SLC23A2: variants seen among roughly 807,000 people sequenced by gnomAD.
SLC23A2 encodes the protein Na(+)/L-ascorbic acid transporter 2.
Under a neutral mutation model 73.3 loss-of-function variants are expected in SLC23A2, and 36 were observed. That is an observed-to-expected ratio of 0.49 (90% confidence interval 0.38 to 0.65). SLC23A2 has a LOEUF of 0.65. Among genes scored for constraint, SLC23A2 ranks in the 30% least tolerant of loss-of-function variants. The pLI, the probability that SLC23A2 is intolerant of heterozygous loss-of-function variation, is 0.00. For missense variants in SLC23A2, 507 were observed against 841.6 expected (o/e 0.60, Z 4.92); for synonymous variants, 343 against 327.3 (o/e 1.05, Z -0.52).
intron 1 of SLC23A2, among the ~76,000 whole-genome samples, chr20:5,000,932 C>G (rs1044341623): frequency 4.6e-5 from 7 of 152,196 alleles, no homozygotes; most frequent in African/African-American, 1.7e-4. Context: ...TGCCGCCCCT[C>G]CTGATGCCCC....
intron 2 of SLC23A2, among the ~76,000 whole-genome samples, chr20:4,942,222 G>C (rs575514239): frequency 6.6e-6 from 1 of 152,218 alleles, no homozygotes; most frequent in South Asian, 2.1e-4. Flanking sequence ...ATGTCCTCAT[G>C]TTTAAAGTTC....
chr20:4,975,682 G>GT lies in SLC23A2; in HGVS notation c.-281-4764dup, dbSNP rs200955021. ...GGGCGTGAGCCACCGTGCCCCGCCT[G>GT]TTTTTTTTTTTTTAATTTTTGCAAA... On this transcript the variant is annotated intron_variant, in intron 1 of 16. Coordinates refer to ENST00000338244, the MANE Select transcript of SLC23A2 (RefSeq NM_005116.6). Among the ~76,000 whole-genome samples, 389 of 141,870 alleles carry GT rather than the reference G, an allele frequency of 2.7e-3. 3 individuals are homozygous for GT. The highest frequency in any genetic ancestry group is 5.3e-3 in the East Asian group (25 of 4,760). 93.1% of individuals were successfully genotyped at this position (141,870 alleles called of 152,430 possible). A position where few individuals can be genotyped will look rare whatever the true frequency, so the allele number is the denominator to read the frequency against.
rs950465818 is a variant in SLC23A2, at chr20:4,883,575, A to G, written c.824+67T>C. On this transcript the variant is annotated intron_variant, in intron 9 of 16. Transcript: ENST00000338244. This position sits in a 1 kb window ranked among gnomAD's most constrained non-coding sequence, Gnocchi z 4.5. Reference sequence around the variant, plus strand: ...TATTATTGAAAAACATTATCTCCTGAAGTCTGTGTGAATGTTCCTAAAGGC... The same window carrying G: ...TATTATTGAAAAACATTATCTCCTGGAGTCTGTGTGAATGTTCCTAAAGGC... The G allele has an allele frequency of 7.1e-5, 77 of 1,091,350 alleles. No homozygotes were observed. Among genetic ancestry groups the G allele is most frequent in the Non-Finnish European group, 9.7e-5 (73 of 751,884 alleles). The allele number at this position is 1,091,350 out of a possible 1,614,324, so 67.6% of individuals were successfully genotyped here.
intron 1 of SLC23A2, among the ~76,000 whole-genome samples, chr20:4,984,982 C>CA (rs756968322): frequency 1.3e-5 from 2 of 152,054 alleles, no homozygotes; most frequent in South Asian, 2.1e-4. Context: ...ACTAAAAATA[C>CA]AAAAATTAGC....
At chr20:4,978,885 C>T (rs1201752407) in intron 1 of SLC23A2, among the ~76,000 whole-genome samples, 1 of 152,120 alleles carries the variant, frequency 6.6e-6, no homozygotes, top group Non-Finnish European at 1.5e-5. Context: ...GATTTTTAAA[C>T]AAGAACCCTA....
At chr20:4,928,074 T>C (rs1455620458) in intron 3 of SLC23A2, among the ~76,000 whole-genome samples, 1 of 152,182 alleles carries the variant, frequency 6.6e-6, no homozygotes, top group Non-Finnish European at 1.5e-5. Flanking sequence ...GGTCTTGCTC[T>C]GTCACCAAGG....
intron 3 of SLC23A2, among the ~76,000 whole-genome samples, chr20:4,931,068 G>GAAAAAA (rs758041566): frequency 9.3e-5 from 7 of 75,054 alleles, no homozygotes; most frequent in Non-Finnish European, 1.3e-4. Context: ...ATTTTTTTAA[G>GAAAAAA]AAAAAAAAAA....
chr20:5,001,576 C>G (rs1292971478), upstream of SLC23A2: 3 of 150,706 alleles, frequency 2.0e-5, no homozygotes, highest in Non-Finnish European at 4.5e-5. Context: ...GGTCTGGGGC[C>G]CACCTCCCTC....
At chr20:4,956,494 T>A (rs2087290273) in intron 2 of SLC23A2, among the ~76,000 whole-genome samples, 1 of 152,162 alleles carries the variant, frequency 6.6e-6, no homozygotes, top group African/African-American at 2.4e-5. Flanking sequence ...TACAGAAAAG[T>A]AGACAAAATG....
Position 5,006,976 on chromosome 20 carries a change from TGC to T in SLC23A2, c.-282+3204_-282+3205del, listed in dbSNP as rs35133806. ...GTGTGTGTGTGTGTGTGTGTGTGTG[TGC>T]GTGCGTGCGTGTTCAATGATGTGCA... On this transcript the variant is annotated intron_variant, in intron 1 of 16. Coordinates refer to the SLC23A2 transcript ENST00000379333. Among the ~76,000 whole-genome samples, 43 of 140,042 alleles carry T rather than the reference TGC, an allele frequency of 3.1e-4. No individual in the cohort carries two copies. In the South Asian group the frequency reaches 3.6e-3, roughly 12 times the overall value. The allele number at this position is 140,042 out of a possible 152,430, so 91.9% of individuals were successfully genotyped here.
chr20:4,922,843 G>GCA (rs11474556), intron 3 of SLC23A2, among the ~76,000 whole-genome samples: 44,716 of 145,632 alleles, frequency 0.31, 7,910 homozygotes, highest in East Asian at 0.63. Flanking sequence ...AAAAAAAAAA[G>GCA]CACACACACA....
intron 4 of SLC23A2, among the ~76,000 whole-genome samples, chr20:4,906,926 G>A (rs1285726115): frequency 6.6e-6 from 1 of 152,186 alleles, no homozygotes; most frequent in Non-Finnish European, 1.5e-5. Flanking sequence ...GAAGGATGCT[G>A]TGAAGAGGTG....
chr20:4,939,148 A>G (rs993086441), intron 2 of SLC23A2, among the ~76,000 whole-genome samples: 1 of 152,238 alleles, frequency 6.6e-6, no homozygotes, highest in East Asian at 1.9e-4. Context: ...CTGTCTGCCT[A>G]GCCAGAGAGC....
chr20:4,894,593 G>A (rs747082561), intron 6 of SLC23A2, among the ~76,000 whole-genome samples: 15 of 152,324 alleles, frequency 9.8e-5, no homozygotes, highest in Non-Finnish European at 2.1e-4. Context: ...AGCCAGCAGG[G>A]AGGGGAACCA....
intron 1 of SLC23A2, among the ~76,000 whole-genome samples, chr20:4,996,491 G>A (rs1411967850): frequency 6.6e-6 from 1 of 151,962 alleles, no homozygotes; most frequent in Admixed American, 6.6e-5. Flanking sequence ...TTTGAGACCA[G>A]GCTGGCCAAC....
At chr20:4,913,920 C>T (rs1322877524) in intron 3 of SLC23A2, among the ~76,000 whole-genome samples, 1 of 151,810 alleles carries the variant, frequency 6.6e-6, no homozygotes, top group Non-Finnish European at 1.5e-5. Context: ...AGCCACCACA[C>T]ATGGCTCAAA....
chr20:5,006,998 T>C (rs534515512), intron 1 of SLC23A2, among the ~76,000 whole-genome samples: 3 of 151,832 alleles, frequency 2.0e-5, no homozygotes, highest in Non-Finnish European at 4.4e-5. Flanking sequence ...TGTTCAATGA[T>C]GTGCATTGAA....
intron 3 of SLC23A2, among the ~76,000 whole-genome samples, chr20:4,918,189 GAT>G (rs1932390438): frequency 6.6e-6 from 1 of 152,178 alleles, no homozygotes; most frequent in Non-Finnish European, 1.5e-5. Flanking sequence ...GTAACTAATA[GAT>G]AACAGAAGAA....
Position 4,862,127 on chromosome 20 carries a change from C to G in SLC23A2, c.1487-42G>C. 1 of 1,607,138 alleles carries G rather than the reference C, an allele frequency of 6.2e-7. No homozygotes were observed. The highest frequency in any genetic ancestry group is 2.2e-5 in the East Asian group (1 of 44,842). Reference sequence around the variant, plus strand: ...CAGACCACAAGCTCCAGCACCACTACAGCGGGGACAGCTCAAGGCAGGTGA... The same window carrying G: ...CAGACCACAAGCTCCAGCACCACTAGAGCGGGGACAGCTCAAGGCAGGTGA... On this transcript the variant is annotated intron_variant, in intron 14 of 16. Transcript: ENST00000338244. The surrounding 1 kb of genome is among the most constrained non-coding windows in gnomAD (Gnocchi z 5.1).
Sources: gnomAD v4.1 joint callset for allele counts (sites outside exome capture counted in the v4.1 genomes callset) on GRCh38, gnomAD v4.1.1 for gene constraint, Gnocchi (gnomAD v3.1) non-coding constraint, MANE v1.5 for transcripts, NCBI Gene and HGNC (gene_info 2026-07-23, HGNC 2026-07-21) for gene names.